PDS5A: variants seen among roughly 807,000 people sequenced by gnomAD.
The protein encoded by PDS5A is PDS5 cohesin associated factor A, also known as sister chromatid cohesion protein PDS5 homolog A.
Under a neutral mutation model 167.1 loss-of-function variants are expected in PDS5A, and 42 were observed. That is an observed-to-expected ratio of 0.25 (90% CI 0.20 to 0.33). PDS5A has a LOEUF of 0.33. Ranked by LOEUF, PDS5A falls within the 10% of genes least tolerant of loss-of-function variation. PDS5A has a pLI of 1.00. For missense variants in PDS5A, 1,033 were observed against 1,605.9 expected, an observed-to-expected ratio of 0.64 and a Z score of 6.10; for synonymous variants, 553 against 554.6, an observed-to-expected ratio of 1.00 and a Z score of 0.04.
chr4:39,857,607 A>C (rs934522438), intron 26 of PDS5A, among the ~76,000 whole-genome samples: 2 of 152,176 alleles, frequency 1.3e-5, no homozygotes, highest in Non-Finnish European at 2.9e-5. Flanking sequence ...ATAAGTGGCT[A>C]TTTTATTATT....
Position 39,873,010 on chromosome 4 carries a change from C to G in PDS5A, c.2412G>C (p.Val804=). The G allele has an allele frequency of 6.6e-7, 1 of 1,518,328 alleles. No individual in the cohort carries two copies. Among genetic ancestry groups the G allele is most frequent in the Non-Finnish European group, 9.0e-7 (1 of 1,117,298 alleles). 94.1% of individuals were successfully genotyped at this position (1,518,328 alleles called of 1,614,324 possible). Residue 804 remains valine (V), a synonymous_variant, in exon 21 of 33, where the codon GTG becomes GTC. Transcript: ENST00000303538. ...PMKSVVANFI[V]KDLLMNDRST... Reference sequence around the variant, plus strand: ...CCCTGTCATTCATTAGCAGATCTTTCACAATAAAATTTGCTACTACAGATT... The same window carrying G: ...CCCTGTCATTCATTAGCAGATCTTTGACAATAAAATTTGCTACTACAGATT...
chr4:39,920,537 A>G (rs1724860130), intron 6 of PDS5A, 138 bp from the exon 7 acceptor site: 1 of 443,180 alleles, frequency 2.3e-6, no homozygotes, highest in South Asian at 4.2e-5. Context: ...AATAAAAATA[A>G]CTGAGTTCTC....
intron 22 of PDS5A, chr4:39,868,863 A>T: frequency 2.9e-6 from 1 of 348,374 alleles, no homozygotes; most frequent in Non-Finnish European, 5.6e-6. Context: ...TTATCAAAGA[A>T]GATGATACAA....
chr4:39,940,023 C>T (rs932679709), intron 2 of PDS5A, among the ~76,000 whole-genome samples: 10 of 151,826 alleles, frequency 6.6e-5, no homozygotes, highest in East Asian at 1.9e-4. Flanking sequence ...TTTGGGAGGC[C>T]GAGGCAGGAG....
chr4:39,834,270 C>T (rs1483045436), intron 32 of PDS5A, among the ~76,000 whole-genome samples: 3 of 151,834 alleles, frequency 2.0e-5, no homozygotes, highest in Non-Finnish European at 4.4e-5. Flanking sequence ...GAGTAAAGGT[C>T]ATGGCAATAG....
chr4:39,948,122 C>T (rs1427889634), intron 2 of PDS5A, among the ~76,000 whole-genome samples: 1 of 147,994 alleles, frequency 6.8e-6, no homozygotes, highest in African/African-American at 2.5e-5. Context: ...TATGGTAGCA[C>T]GTACCAGTAG....
At chr4:39,973,041 A>G in intron 2 of PDS5A, 1 of 325,218 alleles carries the variant, frequency 3.1e-6, no homozygotes. Context: ...ATATTTTGCA[A>G]TTTTTTTTTC....
At chr4:39,828,497 T>G (rs928993583) in intron 32 of PDS5A, among the ~76,000 whole-genome samples, 6 of 152,174 alleles carry the variant, frequency 3.9e-5, no homozygotes, top group Non-Finnish European at 8.8e-5. Flanking sequence ...TTGCCACATA[T>G]TAGAAGTTAT....
intron 8 of PDS5A, among the ~76,000 whole-genome samples, 186 bp downstream of exon 8, chr4:39,916,862 G>A (rs1051990793): frequency 2.6e-5 from 4 of 150,974 alleles, no homozygotes; most frequent in Non-Finnish European, 5.9e-5. Context: ...GCAAAACTCC[G>A]TCTCAAAAAA....
intron 27 of PDS5A, 82 bp downstream of exon 27, chr4:39,849,438 C>CAAAA (rs33909953): frequency 0.012 from 5,883 of 479,464 alleles, 14 homozygotes; most frequent in East Asian, 0.021. Context: ...TACGTATGGC[C>CAAAA]AAAAAAAAAA....
At chr4:39,853,690 T>A (rs1718302620) in intron 26 of PDS5A, among the ~76,000 whole-genome samples, 1 of 152,226 alleles carries the variant, frequency 6.6e-6, no homozygotes, top group Non-Finnish European at 1.5e-5. Flanking sequence ...ATTACCATCG[T>A]TTCTTTTACC....
intron 6 of PDS5A, among the ~76,000 whole-genome samples, chr4:39,921,494 G>C (rs762748452): frequency 2.6e-5 from 4 of 151,642 alleles, no homozygotes; most frequent in Admixed American, 2.6e-4. Flanking sequence ...TCAGCACTTC[G>C]GGAGGCTAAA....
chr4:39,897,386 C>CA (rs1722505568), intron 16 of PDS5A, among the ~76,000 whole-genome samples: 1 of 152,108 alleles, frequency 6.6e-6, no homozygotes, highest in Admixed American at 6.5e-5. Context: ...CTGGGCAACA[C>CA]AGAGACAAAA....
intron 2 of PDS5A, among the ~76,000 whole-genome samples, chr4:39,959,646 A>T (rs1729293532): frequency 6.6e-6 from 1 of 152,098 alleles, no homozygotes; most frequent in Non-Finnish European, 1.5e-5. Flanking sequence ...CAAGGCATTA[A>T]TTTTATAACA....
At chr4:39,843,085 G>C (rs1379116429) in intron 30 of PDS5A, among the ~76,000 whole-genome samples, 1 of 151,172 alleles carries the variant, frequency 6.6e-6, no homozygotes, top group Non-Finnish European at 1.5e-5. Context: ...ATGATGCCCA[G>C]ATTGGTTTCG....
At chr4:39,858,569 A>T (rs906800077) in intron 26 of PDS5A, among the ~76,000 whole-genome samples, 2 of 152,232 alleles carry the variant, frequency 1.3e-5, no homozygotes, top group African/African-American at 4.8e-5. Flanking sequence ...TTTACAATGG[A>T]TCAAAGATCT....
chr4:39,862,359 A>G (rs1460414159), intron 25 of PDS5A, 26 bp from the exon 26 acceptor site: 1 of 1,120,904 alleles, frequency 8.9e-7, no homozygotes, highest in South Asian at 1.4e-5. Context: ...TATTAAAAAC[A>G]ACCTTTATAA....
chr4:39,846,810 G>A (rs1435298239), intron 28 of PDS5A: 4 of 152,120 alleles, frequency 2.6e-5, no homozygotes, highest in African/African-American at 9.7e-5. Context: ...TACCTTCACA[G>A]AAGTAGGAAA....
intron 32 of PDS5A, among the ~76,000 whole-genome samples, chr4:39,829,775 C>A (rs556742268): frequency 6.6e-6 from 1 of 151,644 alleles, no homozygotes; most frequent in East Asian, 1.9e-4. Flanking sequence ...CACGGTGAAA[C>A]CCTGTCTCCA....
Sources: gnomAD v4.1 joint callset for allele counts (sites outside exome capture counted in the v4.1 genomes callset) on GRCh38, gnomAD v4.1.1 for gene constraint, MANE v1.5 for transcripts, NCBI Gene and HGNC (gene_info 2026-07-23, HGNC 2026-07-21) for gene names.